The following HES4 variants were observed in gnomAD, a reference collection of about 807,000 sequenced individuals.
The protein encoded by HES4 is hes family bHLH transcription factor 4, also known as transcription factor HES-4.
Under a neutral mutation model 10.7 loss-of-function variants are expected in HES4, and 17 were observed. The ratio of observed to expected loss-of-function variants is 1.59; its 90% CI spans 1.09 to 2.38. The LOEUF (loss-of-function observed/expected upper bound fraction) is 2.38. Ranked by LOEUF, HES4 falls within the 30% of genes most tolerant of loss-of-function variation. The probability of loss-of-function intolerance (pLI) is 0.00; values close to 1 mark genes in which losing one functional copy is unlikely to be tolerated. For synonymous variants in HES4, 189 were observed against 159.7 expected (o/e 1.18, Z -1.38); for missense variants, 389 against 332.1 (o/e 1.17, Z -1.33).
At position 999,778 on chromosome 1, in the gene HES4, G is replaced by A; in HGVS notation, c.118C>T (p.Pro40Ser). The change falls in exon 2 of 4, where the codon CCG becomes TCG. Residue 40 changes from proline (P) to serine (S), a missense_variant. Physicochemically the swap from Pro to Ser is moderately conservative, Grantham distance 74. Transcript: ENST00000304952. Reference protein sequence around the residue: ...SAAEHRKSSKPVMEKRRRARI... With the variant: ...SAAEHRKSSKSVMEKRRRARI... ...GCTCGGCGCCGCTTCTCCATGACCG[G>A]CTTGGAGGACTGCGGGTCGGGCACC... 6.2e-7 allele frequency: 1 copy of A among 1,611,348 alleles called. No homozygotes were observed. Among genetic ancestry groups the A allele is most frequent in the Non-Finnish European group, 8.5e-7 (1 of 1,179,384 alleles).
In HES4 at chr1:999,534, T is replaced by A. The variant is rs1643992720; in HGVS notation, c.284A>T (p.Gln95Leu). 3 of 1,599,494 alleles carry A rather than the reference T, an allele frequency of 1.9e-6. No homozygotes were observed. Among genetic ancestry groups the A allele is most frequent in the Non-Finnish European group, 2.6e-6 (3 of 1,174,626 alleles). The change falls in exon 3 of 4, where the codon CAG becomes CTG. Residue 95 changes from glutamine (Q) to leucine (L), a missense_variant. Gln to Leu is a moderately radical substitution (Grantham distance 113). Coordinates refer to ENST00000304952, the MANE Select transcript of HES4 (RefSeq NM_021170.4). Reference sequence around the variant, plus strand: ...CGCCGCCCGCGCCTCACCCGTCACCTGCACGCGACGCAGGCTCCGCAGGTG... The same window carrying A: ...CGCCGCCCGCGCCTCACCCGTCACCAGCACGCGACGCAGGCTCCGCAGGTG... Reference protein sequence around the residue: ...VRHLRSLRRVQVTAALSADPA... With the variant: ...VRHLRSLRRVLVTAALSADPA...
rs774882183 is a variant in HES4, at chr1:999,750, C to T, written c.146G>A (p.Arg49His). Residue 49 changes from arginine (R) to histidine (H), a missense_variant, in exon 2 of 4, where the codon CGT becomes CAT. Arg to His is a conservative substitution (Grantham distance 29). Coordinates refer to ENST00000304952, the MANE Select transcript of HES4 (RefSeq NM_021170.4). The stretch of plus-strand genomic sequence containing the variant: ...GAGCTGAGCGAGGCTCTCGTTAATA[C>T]GCGCTCGGCGCCGCTTCTCCATGAC... ...KPVMEKRRRA[R>H]INESLAQLKT... The T allele has an allele frequency of 2.5e-6, 4 of 1,611,862 alleles. No individual in the cohort carries two copies. The highest frequency in any genetic ancestry group is 2.2e-5 in the East Asian group (1 of 44,750).
In HES4 at chr1:999,538, C is replaced by T. The variant is rs200980838; in HGVS notation, c.280G>A (p.Val94Met). Residue 94 changes from valine to methionine, a missense_variant, in exon 3 of 4, where the codon GTG (valine) becomes ATG (methionine). By Grantham distance (21) the Val-to-Met change is conservative. Coordinates refer to ENST00000304952, the MANE Select transcript of HES4 (RefSeq NM_021170.4). ...TVRHLRSLRRVQVTAALSADP... is the reference protein window; with the variant it reads ...TVRHLRSLRRMQVTAALSADP... ...GCCCGCGCCTCACCCGTCACCTGCA[C>T]GCGACGCAGGCTCCGCAGGTGTCTC... The T allele has an allele frequency of 2.5e-6, 4 of 1,601,476 alleles. No individual in the cohort carries two copies. Among genetic ancestry groups the T allele is most frequent in the African/African-American group, 2.7e-5 (2 of 73,956 alleles).
rs867423780 is a variant in HES4, at chr1:999,402, C to T, written c.323G>A (p.Gly108Asp). The change falls in exon 4 of 4, where the codon GGC becomes GAC. Residue 108 changes from glycine (G) to aspartate (D), a missense_variant. Transcript: ENST00000304952. ...AALSADPAVL[G>D]KYRAGFHECL... is the part of the protein sequence containing the mutation. ...CTCGTGGAAGCCGGCGCGGTACTTG[C>T]CCAGAACGGCGGGGTCGGCGCTGAG... 1 of 1,518,038 alleles carries T rather than the reference C, an allele frequency of 6.6e-7. No individual in the cohort carries two copies. Among genetic ancestry groups the T allele is most frequent in the Non-Finnish European group, 8.7e-7 (1 of 1,146,664 alleles). 94.0% of individuals were successfully genotyped at this position (1,518,038 alleles called of 1,614,324 possible).
Position 999,186 on chromosome 1 carries a change from GGC to G in HES4, c.537_538del (p.Pro180IlefsTer47). 1 of 1,260,034 alleles carries G rather than the reference GGC, an allele frequency of 7.9e-7. No individual in the cohort carries two copies. Among genetic ancestry groups the G allele is most frequent in the Non-Finnish European group, 9.9e-7 (1 of 1,006,662 alleles). 78.1% of individuals were successfully genotyped at this position (1,260,034 alleles called of 1,614,324 possible). A position where few individuals can be genotyped will look rare whatever the true frequency, so the allele number is the denominator to read the frequency against. On this transcript the variant is annotated frameshift_variant, in exon 4 of 4. Transcript: ENST00000304952. LOFTEE classifies it low-confidence loss of function (END_TRUNC). ...CAGAGGGAAGGGGCCGCCGAGCGAT[GGC>G]AGCAGCGGGCGGCCCGCGTAGACCT...
At position 999,867 on chromosome 1, in the gene HES4, TTGCGG is replaced by T; in HGVS notation, c.102_106del (p.His34GlnfsTer16). Reference sequence around the variant, plus strand: ...CCTCACGCCCGGCCGGGACCCCACCTTGCGGTGCTCGGCCGCGCTCCGGGGCTTGT... The same window carrying T: ...CCTCACGCCCGGCCGGGACCCCACCTTGCTCGGCCGCGCTCCGGGGCTTGT... On this transcript the variant is annotated frameshift_variant and splice_region_variant, in exon 1 of 4. Transcript: ENST00000304952. LOFTEE classifies it high-confidence loss of function. 1 of 1,558,344 alleles carries T rather than the reference TTGCGG, an allele frequency of 6.4e-7. No individual in the cohort carries two copies. The highest frequency in any genetic ancestry group is 8.7e-7 in the Non-Finnish European group (1 of 1,155,542).
At position 999,105 on chromosome 1, in the gene HES4, G is replaced by A. The variant is rs1014433774; in HGVS notation, c.620C>T (p.Ala207Val). 1.6e-6 allele frequency: 2 copies of A among 1,218,442 alleles called. No individual in the cohort carries two copies. Among genetic ancestry groups the A allele is most frequent in the Admixed American group, 4.3e-5 (1 of 23,268 alleles). 75.5% of individuals were successfully genotyped at this position (1,218,442 alleles called of 1,614,324 possible). ...GGGCCCACCCGGGCCCTGCGGCCCC[G>A]CCCTGGGGGCGGCGGGCAGCGCCCG... is the stretch of plus-strand genomic sequence containing the variant. Reference protein sequence around the residue: ...LTRALPAAPRAGPQGPGGPWR... With the variant: ...LTRALPAAPRVGPQGPGGPWR... The change falls in exon 4 of 4, where the codon GCG becomes GTG. Residue 207 changes from alanine (A) to valine (V), a missense_variant. Physicochemically the swap from Ala to Val is moderately conservative, Grantham distance 64. Coordinates refer to ENST00000304952, the MANE Select transcript of HES4 (RefSeq NM_021170.4).
rs933431298 is a variant in HES4, at chr1:1,000,024, C to T, written c.-51G>A. 8.1e-7 allele frequency: 1 copy of T among 1,239,068 alleles called. No individual in the cohort carries two copies. The highest frequency in any genetic ancestry group is 1.0e-6 in the Non-Finnish European group (1 of 993,076). The allele number at this position is 1,239,068 out of a possible 1,614,324, so 76.8% of individuals were successfully genotyped here. A position where few individuals can be genotyped will look rare whatever the true frequency, so the allele number is the denominator to read the frequency against. On this transcript the variant is annotated 5_prime_UTR_variant, in exon 1 of 4. The change creates a new upstream start codon in the 5' untranslated region. Transcript: ENST00000304952. The stretch of plus-strand genomic sequence containing the variant: ...GGGTGGAGCGCGCCGCCACGGACCA[C>T]GGGCGGGCTGGCGGGCGAGCGGCGA...
rs1005040875 is a variant in HES4 at position 999,023 on chromosome 1, G to T, written c.*36C>A. 1.6e-6 allele frequency: 2 copies of T among 1,261,754 alleles called. No individual in the cohort carries two copies. Among genetic ancestry groups the T allele is most frequent in the South Asian group, 6.6e-5 (2 of 30,294 alleles). The allele number at this position is 1,261,754 out of a possible 1,614,324, so 78.2% of individuals were successfully genotyped here. A position where few individuals can be genotyped will look rare whatever the true frequency, so the allele number is the denominator to read the frequency against. The stretch of plus-strand genomic sequence containing the variant: ...CGGCAAAGGCCACGGCCCTAGAACG[G>T]GGCGCCGCCTCCGATGCAGTCTCAG... On this transcript the variant is annotated 3_prime_UTR_variant, in exon 4 of 4. Transcript: ENST00000304952.
In HES4 at chr1:999,238, C is replaced by T. The variant is rs953925389; in HGVS notation, c.487G>A (p.Ala163Thr). Residue 163 changes from alanine to threonine, a missense_variant, in exon 4 of 4, where the codon GCC becomes ACC. By Grantham distance (58) the Ala-to-Thr change is moderately conservative. Transcript: ENST00000304952. ...SRRPASLSPA[A>T]PAEAPAPEVY... is the part of the protein sequence containing the mutation. ...TCGGGCGCTGGGGCCTCTGCGGGGG[C>T]AGCCGGGGACAGCGAGGCCGGGCGG... 13 of 1,348,538 alleles carry T rather than the reference C, an allele frequency of 9.6e-6. No homozygotes were observed. Among genetic ancestry groups the T allele is most frequent in the Non-Finnish European group, 1.2e-5 (13 of 1,056,638 alleles). The allele number at this position is 1,348,538 out of a possible 1,614,324, so 83.5% of individuals were successfully genotyped here. A position where few individuals can be genotyped will look rare whatever the true frequency, so the allele number is the denominator to read the frequency against.
At position 1,000,079 on chromosome 1, in the gene HES4, A is replaced by G. The variant is rs3128113; in HGVS notation, c.-106T>C. Reference sequence around the variant, plus strand: ...GCGGCGATCCGAGCCCCTAGGGCGGATCCCGGCTCCAGGCCCGCGCGCGCC... The same window carrying G: ...GCGGCGATCCGAGCCCCTAGGGCGGGTCCCGGCTCCAGGCCCGCGCGCGCC... On this transcript the variant is annotated 5_prime_UTR_variant, in exon 1 of 4. Transcript: ENST00000304952. 779,258 of 1,003,380 alleles carry G rather than the reference A, an allele frequency of 0.78. 308,498 individuals are homozygous for G. The highest frequency in any genetic ancestry group is 0.88 in the East Asian group (18,545 of 21,004). The allele number at this position is 1,003,380 out of a possible 1,614,324, so 62.2% of individuals were successfully genotyped here.
rs934573203 is a variant in HES4 at position 999,110 on chromosome 1, G to C, written c.615C>G (p.Pro205=). The change falls in exon 4 of 4, where the codon CCC becomes CCG. Residue 205 remains proline, a synonymous_variant. Transcript: ENST00000304952. ...CACCCGGGCCCTGCGGCCCCGCCCT[G>C]GGGGCGGCGGGCAGCGCCCGGGTCA... ...PGLTRALPAA[P]RAGPQGPGGP... The C allele has an allele frequency of 6.6e-6, 8 of 1,216,078 alleles. No homozygotes were observed. The highest frequency in any genetic ancestry group is 2.7e-4 in the Middle Eastern group (1 of 3,712). The allele number at this position is 1,216,078 out of a possible 1,614,324, so 75.3% of individuals were successfully genotyped here.
In HES4 at chr1:999,307, G is replaced by A. The variant is rs955669067; in HGVS notation, c.418C>T (p.Leu140=). ...GVPADVRSRL[L]GHLAACLRQL... is the part of the protein sequence containing the mutation. ...CGCAGGCAGGCTGCCAGGTGGCCCAGCAGGCGGGAGCGCACGTCGGCCGGG... is the reference window on the plus strand; with the variant it reads ...CGCAGGCAGGCTGCCAGGTGGCCCAACAGGCGGGAGCGCACGTCGGCCGGG... The change falls in exon 4 of 4, where the codon CTG becomes TTG. Residue 140 remains leucine (L), a synonymous_variant. Coordinates refer to ENST00000304952, the MANE Select transcript of HES4 (RefSeq NM_021170.4). The A allele has an allele frequency of 4.9e-5, 72 of 1,472,440 alleles. No individual in the cohort carries two copies. Among genetic ancestry groups the A allele is most frequent in the Non-Finnish European group, 5.5e-5 (61 of 1,118,122 alleles). 91.2% of individuals were successfully genotyped at this position (1,472,440 alleles called of 1,614,324 possible).
In HES4 at chr1:999,452, G is replaced by C; in HGVS notation, c.293-20C>G. 1.3e-6 allele frequency: 2 copies of C among 1,551,336 alleles called. No individual in the cohort carries two copies. The highest frequency in any genetic ancestry group is 1.7e-6 in the Non-Finnish European group (2 of 1,160,234). The stretch of plus-strand genomic sequence containing the variant: ...GCGCGGCTGCGGGAGCGACACAGGA[G>C]GAGAGGTCGGTGCCGGGTCCCGGGG... On this transcript the variant is annotated intron_variant, in intron 3 of 3. Transcript: ENST00000304952.
Position 999,916 on chromosome 1 carries a change from T to C in HES4, c.58A>G (p.Ser20Gly). 6.8e-7 allele frequency: 1 copy of C among 1,471,570 alleles called. No individual in the cohort carries two copies. Among genetic ancestry groups the C allele is most frequent in the Admixed American group, 2.6e-5 (1 of 38,232 alleles). The allele number at this position is 1,471,570 out of a possible 1,614,324, so 91.2% of individuals were successfully genotyped here. ...GGCTTGTCTGGGGTCCGGCTGGCGCTGGCCGGCGCTCCTGCCATCGGCGAG... is the reference window on the plus strand; with the variant it reads ...GGCTTGTCTGGGGTCCGGCTGGCGCCGGCCGGCGCTCCTGCCATCGGCGAG... ...SASPMAGAPA[S>G]ASRTPDKPRS... Residue 20 changes from serine (S) to glycine (G), a missense_variant, in exon 1 of 4, where the codon AGC becomes GGC. By Grantham distance (56) the Ser-to-Gly change is moderately conservative (BLOSUM62 0). Transcript: ENST00000304952.
In HES4 at chr1:999,878, G is replaced by C; in HGVS notation, c.96C>G (p.Ala32=). 6.5e-7 allele frequency: 1 copy of C among 1,535,580 alleles called. No individual in the cohort carries two copies. Among genetic ancestry groups the C allele is most frequent in the Non-Finnish European group, 8.7e-7 (1 of 1,145,864 alleles). Reference sequence around the variant, plus strand: ...GCCGGGACCCCACCTTGCGGTGCTCGGCCGCGCTCCGGGGCTTGTCTGGGG... The same window carrying C: ...GCCGGGACCCCACCTTGCGGTGCTCCGCCGCGCTCCGGGGCTTGTCTGGGG... ...SRTPDKPRSA[A]EHRKSSKPVM... Residue 32 remains alanine (A), a synonymous_variant, in exon 1 of 4, where the codon GCC becomes GCG. Transcript: ENST00000304952.
chr1:999,497 C>T, intron 3 of HES4, 29 bp downstream of exon 3: 2 of 1,568,212 alleles, frequency 1.3e-6, no homozygotes, highest in Non-Finnish European at 1.7e-6. Context: ...CCTCCCCCCG[C>T]CTCCAAGCCG....
rs1227435393 is a variant in HES4, at chr1:1,000,038, G to A, written c.-65C>T. ...GCCACGGACCACGGGCGGGCTGGCG[G>A]GCGAGCGGCGAGCGCGCGGCGATCC... On this transcript the variant is annotated 5_prime_UTR_variant, in exon 1 of 4. Transcript: ENST00000304952. 4.2e-6 allele frequency: 5 copies of A among 1,178,160 alleles called. No individual in the cohort carries two copies. The highest frequency in any genetic ancestry group is 1.6e-5 in the African/African-American group (1 of 61,846). 73.0% of individuals were successfully genotyped at this position (1,178,160 alleles called of 1,614,324 possible). A position where few individuals can be genotyped will look rare whatever the true frequency, so the allele number is the denominator to read the frequency against.
Position 1,000,060 on chromosome 1 carries a change from A to G in HES4, c.-87T>C, listed in dbSNP as rs1180364158. 8.8e-7 allele frequency: 1 copy of G among 1,134,156 alleles called. No individual in the cohort carries two copies. Among genetic ancestry groups the G allele is most frequent in the Non-Finnish European group, 1.1e-6 (1 of 917,890 alleles). 70.3% of individuals were successfully genotyped at this position (1,134,156 alleles called of 1,614,324 possible). Reference sequence around the variant, plus strand: ...GCGGGCGAGCGGCGAGCGCGCGGCGATCCGAGCCCCTAGGGCGGATCCCGG... The same window carrying G: ...GCGGGCGAGCGGCGAGCGCGCGGCGGTCCGAGCCCCTAGGGCGGATCCCGG... On this transcript the variant is annotated 5_prime_UTR_variant, in exon 1 of 4. Coordinates refer to ENST00000304952, the MANE Select transcript of HES4 (RefSeq NM_021170.4).
Sources: allele counts gnomAD v4.1 joint callset, GRCh38; gene constraint gnomAD v4.1.1; transcripts MANE v1.5; gene names NCBI Gene and HGNC (gene_info 2026-07-23, HGNC 2026-07-21).